BBX: variants seen among roughly 807,000 people sequenced by gnomAD.
BBX encodes the protein BBX high mobility group box domain containing, also known as HMG box transcription factor BBX.
Under a neutral mutation model 100.2 loss-of-function variants are expected in BBX, and 30 were observed. That is an observed-to-expected ratio of 0.30 (90% CI 0.22 to 0.41). The LOEUF (loss-of-function observed/expected upper bound fraction) is 0.41. Ranked by LOEUF, BBX falls within the 10% of genes least tolerant of loss-of-function variation. BBX has a pLI of 1.00. For missense variants in BBX, 1,023 were observed against 1,129.8 expected (o/e 0.91, Z 1.35); for synonymous variants, 376 against 388.1 (o/e 0.97, Z 0.37).
chr3:107,718,921 A>G (rs2062314965), intron 5 of BBX, among the ~76,000 whole-genome samples: 1 of 152,086 alleles, frequency 6.6e-6, no homozygotes, highest in South Asian at 2.1e-4. Context: ...GGCTACTTTC[A>G]AAATTATTAC....
intron 6 of BBX, among the ~76,000 whole-genome samples, chr3:107,729,496 T>G (rs878882185): frequency 1.3e-5 from 2 of 152,294 alleles, no homozygotes; most frequent in East Asian, 1.9e-4. Flanking sequence ...ACAGACAAAT[T>G]TAAAATTCCA....
At chr3:107,580,615 A>C (rs945873530) in intron 2 of BBX, among the ~76,000 whole-genome samples, 4 of 152,024 alleles carry the variant, frequency 2.6e-5, no homozygotes, top group Non-Finnish European at 5.9e-5. Context: ...TATGATTTTA[A>C]AACTGTTAAG....
intron 2 of BBX, among the ~76,000 whole-genome samples, chr3:107,575,787 G>A (rs28428925): frequency 0.091 from 13,810 of 152,148 alleles, 881 homozygotes; most frequent in Middle Eastern, 0.17. Flanking sequence ...TTAGTAAATA[G>A]CAAGTTTTCT....
intron 2 of BBX, among the ~76,000 whole-genome samples, chr3:107,627,541 C>G (rs1362628540): frequency 6.6e-6 from 1 of 152,126 alleles, no homozygotes; most frequent in Admixed American, 6.6e-5. Flanking sequence ...ACAGTGAACT[C>G]TTTAATTTGA....
rs1213308814 is a variant in BBX, at chr3:107,789,796, A to G, written c.2213A>G (p.Gln738Arg). The change falls in exon 14 of 18, where the codon CAG becomes CGG. Residue 738 changes from glutamine to arginine, a missense_variant. Gln to Arg is a conservative substitution (Grantham distance 43, BLOSUM62 1). Transcript: ENST00000325805. The stretch of plus-strand genomic sequence containing the variant: ...TTAATATTGTCTGTAGGTCCTTTCC[A>G]GTCTCAGAAAAAGAACTTATTCCAC... ...EPTKTSKGPFQSQKKNLFHKI... is the reference protein window; with the variant it reads ...EPTKTSKGPFRSQKKNLFHKI... The G allele has an allele frequency of 1.3e-6, 2 of 1,536,586 alleles. No individual in the cohort carries two copies. The highest frequency in any genetic ancestry group is 3.9e-5 in the Admixed American group (2 of 50,942).
At position 107,744,117 on chromosome 3, in the gene BBX, A is replaced by G. The variant is rs1460257913; in HGVS notation, c.670-513A>G. ...ATCACACTGAATTGGGGTTAAGAGA[A>G]CTGTTGTCAGCTTTCATTAGTTCAC... On this transcript the variant is annotated intron_variant, in intron 7 of 17. Transcript: ENST00000325805. Among the ~76,000 whole-genome samples, 7 of 152,058 alleles carry G rather than the reference A, an allele frequency of 4.6e-5. 1 individual carries two copies. Among genetic ancestry groups the G allele is most frequent in the African/African-American group, 1.2e-4 (5 of 41,422 alleles).
chr3:107,613,682 C>G (rs1020983208), intron 2 of BBX, among the ~76,000 whole-genome samples: 1 of 151,952 alleles, frequency 6.6e-6, no homozygotes, highest in Non-Finnish European at 1.5e-5. Context: ...GGAATAGATT[C>G]AATACATATG....
At chr3:107,742,820 A>C (rs2064223301) in intron 7 of BBX, among the ~76,000 whole-genome samples, 1 of 152,216 alleles carries the variant, frequency 6.6e-6, no homozygotes, top group South Asian at 2.1e-4. Flanking sequence ...AGTTTTATAT[A>C]AGACCATCCA....
At chr3:107,745,367 A>T (rs2107614321) in intron 8 of BBX, among the ~76,000 whole-genome samples, 1 of 152,266 alleles carries the variant, frequency 6.6e-6, no homozygotes, top group South Asian at 2.1e-4. Flanking sequence ...TTCCTTGATC[A>T]TTTGAATTGT....
intron 2 of BBX, among the ~76,000 whole-genome samples, chr3:107,583,449 G>GT (rs1216492269): frequency 1.3e-5 from 2 of 151,318 alleles, no homozygotes; most frequent in East Asian, 3.9e-4. Context: ...TGACTGAGTA[G>GT]TTTTTTTTGC....
At chr3:107,693,549 T>C (rs1304860730) in intron 3 of BBX, among the ~76,000 whole-genome samples, 6 of 151,740 alleles carry the variant, frequency 4.0e-5, no homozygotes, top group Non-Finnish European at 8.8e-5. Flanking sequence ...TTCTGTTCCA[T>C]TGATCTGTAT....
At chr3:107,658,231 G>A (rs993350415) in intron 3 of BBX, among the ~76,000 whole-genome samples, 1 of 151,918 alleles carries the variant, frequency 6.6e-6, no homozygotes, top group Non-Finnish European at 1.5e-5. Flanking sequence ...CCTCTCCCTC[G>A]GAGCATAGAA....
intron 7 of BBX, among the ~76,000 whole-genome samples, chr3:107,733,467 A>G (rs2107533535): frequency 6.6e-6 from 1 of 152,236 alleles, no homozygotes; most frequent in East Asian, 1.9e-4. Flanking sequence ...ATTAGGAAAC[A>G]TGGCATTTCA....
At chr3:107,530,537 T>G (rs1269659587) in intron 2 of BBX, among the ~76,000 whole-genome samples, 1 of 152,214 alleles carries the variant, frequency 6.6e-6, no homozygotes, top group Admixed American at 6.5e-5. Context: ...GGTCCTCGGA[T>G]GAAAAGTTCA....
intron 17 of BBX, among the ~76,000 whole-genome samples, chr3:107,804,282 C>T (rs566430464): frequency 6.6e-6 from 1 of 152,304 alleles, no homozygotes; most frequent in East Asian, 1.9e-4. Context: ...CAAGCTAAAT[C>T]TTGAAATAGC....
intron 7 of BBX, among the ~76,000 whole-genome samples, chr3:107,736,902 G>A (rs1377899480): frequency 6.6e-6 from 1 of 152,046 alleles, no homozygotes; most frequent in Non-Finnish European, 1.5e-5. Flanking sequence ...GAAAAGCTTC[G>A]AAGGTATCAA....
Position 107,570,676 on chromosome 3 carries a change from G to T in BBX, c.-84+44278G>T, listed in dbSNP as rs535244012. ...GGAGGTGATAAAAGGATTATAGGGT[G>T]GGGGAGCGGAGGCTGAGGAAGAATT... On this transcript the variant is annotated intron_variant, in intron 2 of 17. Transcript: ENST00000325805. Among the ~76,000 whole-genome samples the T allele has an allele frequency of 2.6e-5, 4 of 152,072 alleles. No homozygotes were observed. In the South Asian group the frequency reaches 8.3e-4, roughly 32 times the overall value.
intron 3 of BBX, chr3:107,677,457 C>G (rs909785944): frequency 1.3e-5 from 2 of 152,058 alleles, no homozygotes; most frequent in African/African-American, 4.8e-5. Flanking sequence ...GGGCTACATC[C>G]TGATACACTC....
At chr3:107,597,436 G>A (rs940444520) in intron 2 of BBX, among the ~76,000 whole-genome samples, 2 of 152,086 alleles carry the variant, frequency 1.3e-5, no homozygotes, top group Non-Finnish European at 2.9e-5. Flanking sequence ...AAATATTAGA[G>A]ATAAAAATAC....
Sources: gnomAD v4.1 joint callset for allele counts (sites outside exome capture counted in the v4.1 genomes callset) on GRCh38, gnomAD v4.1.1 for gene constraint, MANE v1.5 for transcripts, NCBI Gene and HGNC (gene_info 2026-07-23, HGNC 2026-07-21) for gene names.